Variants in HMCN1 observed in about 807,000 individuals in gnomAD.
HMCN1 encodes the protein hemicentin-1.
In HMCN1, 321 loss-of-function variants were observed where a neutral mutation model predicts 625.9. The ratio of observed to expected loss-of-function variants is 0.51; its 90% CI spans 0.47 to 0.56. The LOEUF (loss-of-function observed/expected upper bound fraction) is 0.56, where lower values mean the gene tolerates loss of function less well. HMCN1 is among the 20% of genes least tolerant of loss of function. The pLI is 0.00. For synonymous variants in HMCN1, 2,425 were observed against 2,417.6 expected, an observed-to-expected ratio of 1.00 and a Z score of -0.09; for missense variants, 6,588 against 6,887.3, an observed-to-expected ratio of 0.96 and a Z score of 1.54.
chr1:186,053,049 C>T lies in HMCN1; in HGVS notation c.6675C>T (p.Pro2225=). 3 of 1,609,808 alleles carry T rather than the reference C, an allele frequency of 1.9e-6. No homozygotes were observed. Among genetic ancestry groups the T allele is most frequent in the Non-Finnish European group, 2.5e-6 (3 of 1,176,976 alleles). ...SLLCESSGIP[P]PNLIWKKKGS... ...TGTGTGAATCAAGTGGTATTCCACCCCCAAATCTCATCTGGAAGAAGAAAG... is the reference window on the plus strand; with the variant it reads ...TGTGTGAATCAAGTGGTATTCCACCTCCAAATCTCATCTGGAAGAAGAAAG... Residue 2225 remains proline, a synonymous_variant, in exon 43 of 107, where the codon CCC becomes CCT. Coordinates refer to ENST00000271588, the MANE Select transcript of HMCN1 (RefSeq NM_031935.3).
chr1:185,895,183 C>A (rs1244577440), intron 4 of HMCN1, among the ~76,000 whole-genome samples: 1 of 152,084 alleles, frequency 6.6e-6, no homozygotes, highest in Non-Finnish European at 1.5e-5. Context: ...TGAACCTCAC[C>A]GATGCTGCAA....
In HMCN1 at chr1:185,980,843, C is replaced by T. The variant is rs75059961; in HGVS notation, c.2567-135C>T. The T allele has an allele frequency of 9.3e-4, 692 of 741,576 alleles. 2 individuals carry two copies. The African/African-American group carries it at 0.011, about 12-fold the overall frequency. 45.9% of individuals were successfully genotyped at this position (741,576 alleles called of 1,614,324 possible). A position where few individuals can be genotyped will look rare whatever the true frequency, so the allele number is the denominator to read the frequency against. On this transcript the variant is annotated intron_variant, in intron 16 of 106. Coordinates refer to ENST00000271588, the MANE Select transcript of HMCN1 (RefSeq NM_031935.3). ...CACTTATTTCACTGTGGTGTGATGG[C>T]TGGTTTCTGTGTATGTCCCTTCTTC... is the stretch of plus-strand genomic sequence containing the variant.
chr1:186,115,217 T>G, intron 74 of HMCN1, 41 bp from the exon 75 acceptor site: 1 of 1,610,894 alleles, frequency 6.2e-7, no homozygotes, highest in African/African-American at 1.3e-5. Context: ...GCACGCTATT[T>G]GCTGACTGTG....
chr1:186,094,191 A>G, intron 66 of HMCN1, 85 bp from the exon 67 acceptor site: 1 of 1,053,036 alleles, frequency 9.5e-7, no homozygotes. Context: ...ATCACCACCT[A>G]TAGCCTATTT....
At chr1:185,875,400 G>A (rs1480900456) in intron 4 of HMCN1, among the ~76,000 whole-genome samples, 1 of 152,020 alleles carries the variant, frequency 6.6e-6, no homozygotes, top group Admixed American at 6.6e-5. Context: ...TAGATATGAT[G>A]TCTCAAGATG....
At chr1:186,082,434 G>T (rs1659223933) in intron 56 of HMCN1, among the ~76,000 whole-genome samples, 1 of 152,052 alleles carries the variant, frequency 6.6e-6, no homozygotes, top group African/African-American at 2.4e-5. Context: ...TTCCTCACAT[G>T]GTGCTGGCAG....
At chr1:185,998,467 A>C (rs1214246283) in intron 25 of HMCN1, among the ~76,000 whole-genome samples, 1 of 152,162 alleles carries the variant, frequency 6.6e-6, no homozygotes, top group Non-Finnish European at 1.5e-5. Flanking sequence ...ATTAACAATA[A>C]CTATTCCAAG....
chr1:185,822,720 T>C (rs1013398841), intron 1 of HMCN1, among the ~76,000 whole-genome samples: 1 of 152,208 alleles, frequency 6.6e-6, no homozygotes, highest in Non-Finnish European at 1.5e-5. Flanking sequence ...CAGGAGTTAA[T>C]GCATCCAAAG....
At chr1:185,762,524 A>C (rs1294750262) in intron 1 of HMCN1, among the ~76,000 whole-genome samples, 2 of 152,146 alleles carry the variant, frequency 1.3e-5, no homozygotes, top group Non-Finnish European at 2.9e-5. Context: ...ATAAATAAGA[A>C]AAGTGGGGAA....
chr1:185,937,705 C>T (rs1667879723), intron 11 of HMCN1, among the ~76,000 whole-genome samples: 1 of 151,786 alleles, frequency 6.6e-6, no homozygotes, highest in Non-Finnish European at 1.5e-5. Flanking sequence ...CATGGTGAAA[C>T]CCTATCTCAA....
intron 93 of HMCN1, 72 bp from the exon 94 acceptor site, chr1:186,151,128 G>A: frequency 2.1e-6 from 3 of 1,430,148 alleles, no homozygotes; most frequent in Non-Finnish European, 2.9e-6. Flanking sequence ...CTGAATACTG[G>A]CCCTCTTTTC....
At chr1:185,881,159 A>G (rs1049544537) in intron 4 of HMCN1, among the ~76,000 whole-genome samples, 18 of 152,246 alleles carry the variant, frequency 1.2e-4, no homozygotes, top group African/African-American at 4.1e-4. Flanking sequence ...CAGTGAGGGC[A>G]AAGGACCAGT....
At chr1:186,137,747 G>A (rs929593297) in intron 88 of HMCN1, 55 bp from the exon 89 acceptor site, 1 of 1,613,878 alleles carries the variant, frequency 6.2e-7, no homozygotes, top group Non-Finnish European at 8.5e-7. Context: ...TTGCCCCAGT[G>A]TAAGTATTCC....
At chr1:186,140,028 C>T (rs1649851872) in intron 89 of HMCN1, among the ~76,000 whole-genome samples, 1 of 152,112 alleles carries the variant, frequency 6.6e-6, no homozygotes, top group Non-Finnish European at 1.5e-5. Flanking sequence ...ATAATTATTT[C>T]TATGTAACAC....
In HMCN1 at chr1:186,144,245, GA is replaced by G; in HGVS notation, c.13998del (p.Ala4667GlnfsTer194). 6.2e-7 allele frequency: 1 copy of G among 1,613,956 alleles called. No homozygotes were observed. Among genetic ancestry groups the G allele is most frequent in the Non-Finnish European group, 8.5e-7 (1 of 1,179,936 alleles). ...SESCGKGTQTRARLCNNPPPA... is the reference protein window; with the variant it reads ...SESCGKGTQTXARLCNNPPPA... Reference sequence around the variant, plus strand: ...AGTTGTGGGAAAGGTACTCAGACAAGAGCAAGACTTTGTAATAACCCACCAC... The same window carrying G: ...AGTTGTGGGAAAGGTACTCAGACAAGGCAAGACTTTGTAATAACCCACCAC... On this transcript the variant is annotated frameshift_variant, in exon 90 of 107. Coordinates refer to ENST00000271588, the MANE Select transcript of HMCN1 (RefSeq NM_031935.3). LOFTEE classifies it high-confidence loss of function.
intron 42 of HMCN1, among the ~76,000 whole-genome samples, chr1:186,051,092 A>T (rs1274956075): frequency 6.6e-6 from 1 of 152,002 alleles, no homozygotes; most frequent in Non-Finnish European, 1.5e-5. Context: ...GCCTAGTGTG[A>T]TGCAAGGAGA....
rs183658352 is a variant in HMCN1 at position 186,108,609 on chromosome 1, G to T, written c.10989+12G>T. ...GAGAACGGTTACAGGTAAATTTTTT[G>T]ATAAGCTCCACAAATTCCTTTTTGA... On this transcript the variant is annotated intron_variant, in intron 71 of 106. Coordinates refer to ENST00000271588, the MANE Select transcript of HMCN1 (RefSeq NM_031935.3). 1.2e-6 allele frequency: 2 copies of T among 1,613,920 alleles called. No homozygotes were observed. Among genetic ancestry groups the T allele is most frequent in the Non-Finnish European group, 1.7e-6 (2 of 1,179,922 alleles).
intron 104 of HMCN1, among the ~76,000 whole-genome samples, chr1:186,180,750 C>A (rs538681483): frequency 3.9e-5 from 6 of 152,146 alleles, no homozygotes; most frequent in Non-Finnish European, 8.8e-5. Context: ...TATAGCTAGT[C>A]CATTACTGGA....
chr1:186,178,842 T>C, intron 104 of HMCN1, 76 bp downstream of exon 104: 1 of 1,006,812 alleles, frequency 9.9e-7, no homozygotes, highest in Admixed American at 1.7e-5. Context: ...CACCTGTGAT[T>C]GTTTGAGTGC....
Sources: allele counts gnomAD v4.1 joint callset (sites outside exome capture counted in the v4.1 genomes callset), GRCh38; gene constraint gnomAD v4.1.1; transcripts MANE v1.5; gene names NCBI Gene and HGNC (gene_info 2026-07-23, HGNC 2026-07-21).